KRABD3: variants seen among roughly 807,000 people sequenced by gnomAD.
The protein encoded by KRABD3 is KRAB domain containing 3.
the KRABD3 span, chr7:149,729,366 A>G: frequency 7.4e-6 from 11 of 1,493,190 alleles, no homozygotes; most frequent in South Asian, 1.5e-4. Flanking sequence ...GGTGGCTCCC[A>G]GAGGGTGAGC....
the KRABD3 span, among the ~76,000 whole-genome samples, chr7:149,731,505 G>A: frequency 1.6e-4 from 24 of 152,196 alleles, no homozygotes; most frequent in Non-Finnish European, 3.1e-4. Context: ...GCACCGCGGC[G>A]GGCCCTGCCA....
At chr7:149,719,431 G>A in the KRABD3 span, 2 of 1,091,162 alleles carry the variant, frequency 1.8e-6, no homozygotes, top group Admixed American at 3.1e-5. This position sits in a 1 kb window ranked among gnomAD's most constrained non-coding sequence, Gnocchi z 5.6. Flanking sequence ...TCAGACCCTG[G>A]CTATTATCCT....
chr7:149,720,934 G>T, the KRABD3 span: 1 of 1,613,718 alleles, frequency 6.2e-7, no homozygotes, highest in South Asian at 1.1e-5. Flanking sequence ...GCTATGGACA[G>T]CCCCGAGAGC....
the KRABD3 span, among the ~76,000 whole-genome samples, chr7:149,731,113 T>C: frequency 6.6e-6 from 1 of 152,100 alleles, no homozygotes; most frequent in African/African-American, 2.4e-5. Context: ...GTACCTGCTG[T>C]CCTGGCCCCC....
the KRABD3 span, among the ~76,000 whole-genome samples, chr7:149,715,581 G>A: frequency 6.6e-6 from 1 of 152,162 alleles, no homozygotes; most frequent in African/African-American, 2.4e-5. Flanking sequence ...CTCTGGTGCT[G>A]ATATCAGTGA....
the KRABD3 span, chr7:149,729,483 C>A: frequency 7.8e-7 from 1 of 1,273,946 alleles, no homozygotes; most frequent in South Asian, 3.1e-5. Context: ...TCATCCTTTC[C>A]CCAGAGGACA....
the KRABD3 span, chr7:149,729,307 C>T: frequency 1.2e-6 from 2 of 1,600,660 alleles, no homozygotes; most frequent in Non-Finnish European, 1.7e-6. Context: ...CCCCGCCTGC[C>T]ACCAGCGGGG....
chr7:149,724,647 C>T, the KRABD3 span: 19 of 1,515,182 alleles, frequency 1.3e-5, no homozygotes, highest in East Asian at 2.5e-5. Context: ...GGCCTCCTCC[C>T]GCAGGGCCTG....
chr7:149,730,188 G>A, the KRABD3 span: 9 of 1,573,024 alleles, frequency 5.7e-6, no homozygotes, highest in East Asian at 2.3e-5. Context: ...CCTGGAGAGC[G>A]CCCTGAGGGG....
chr7:149,727,530 G>A, the KRABD3 span, among the ~76,000 whole-genome samples: 1 of 152,194 alleles, frequency 6.6e-6, no homozygotes, highest in Non-Finnish European at 1.5e-5. Context: ...TCACACAGAG[G>A]GCAGCATCTA....
At chr7:149,719,433 T>A in the KRABD3 span, 1 of 1,109,994 alleles carries the variant, frequency 9.0e-7, no homozygotes, top group Non-Finnish European at 1.2e-6. The surrounding 1 kb of genome is among the most constrained non-coding windows in gnomAD (Gnocchi z 5.6). Context: ...AGACCCTGGC[T>A]ATTATCCTGG....
the KRABD3 span, chr7:149,723,532 G>A: frequency 1.8e-6 from 1 of 564,160 alleles, no homozygotes; most frequent in Non-Finnish European, 3.1e-6. Flanking sequence ...TGCCTGCAGG[G>A]CGAATTCCAT....
the KRABD3 span, chr7:149,733,887 C>T: frequency 1.9e-6 from 3 of 1,590,496 alleles, no homozygotes; most frequent in Non-Finnish European, 2.6e-6. Flanking sequence ...TCTCCTCCTG[C>T]AGCCAGTGCA....
At chr7:149,733,529 C>T in the KRABD3 span, 29 of 1,595,650 alleles carry the variant, frequency 1.8e-5, no homozygotes, top group East Asian at 2.1e-4. Flanking sequence ...GACCCTCCCA[C>T]GGGGACCTCG....
At chr7:149,724,239 C>T in the KRABD3 span, among the ~76,000 whole-genome samples, 1 of 152,158 alleles carries the variant, frequency 6.6e-6, no homozygotes, top group South Asian at 2.1e-4. Context: ...AGGTTTCTGC[C>T]ATGTGTGTGA....
At chr7:149,724,681 C>T in the KRABD3 span, 66 of 1,547,442 alleles carry the variant, frequency 4.3e-5, no homozygotes, top group African/African-American at 6.7e-4. Flanking sequence ...CCCTCCTCCC[C>T]ATCCTGATCT....
At chr7:149,715,779 A>G in the KRABD3 span, among the ~76,000 whole-genome samples, 1 of 152,184 alleles carries the variant, frequency 6.6e-6, no homozygotes, top group Non-Finnish European at 1.5e-5. Context: ...AGTGCCCCCA[A>G]GCATTTGGGG....
the KRABD3 span, chr7:149,733,935 G>A: frequency 6.3e-7 from 1 of 1,596,894 alleles, no homozygotes; most frequent in Non-Finnish European, 8.5e-7. Context: ...GCACCAGACG[G>A]GATCCCAGAG....
chr7:149,725,086 C>T, the KRABD3 span, among the ~76,000 whole-genome samples: 1 of 152,228 alleles, frequency 6.6e-6, no homozygotes, highest in African/African-American at 2.4e-5. Context: ...CCCCTGCTGA[C>T]ATGTGGCCCT....
Sources: allele counts gnomAD v4.1 joint callset (sites outside exome capture counted in the v4.1 genomes callset), GRCh38; gene constraint gnomAD v4.1.1; non-coding constraint Gnocchi (gnomAD v3.1); transcripts MANE v1.5; gene names NCBI Gene and HGNC (gene_info 2026-07-23, HGNC 2026-07-21).